NRDC: variants seen among roughly 807,000 people sequenced by gnomAD.
NRDC encodes nardilysin convertase.
In NRDC, 54 loss-of-function variants were observed where a neutral mutation model predicts 147.1. The observed-to-expected ratio is 0.37, with a 90% CI of 0.29 to 0.46. The LOEUF (loss-of-function observed/expected upper bound fraction) is 0.46, where lower values mean the gene tolerates loss of function less well. NRDC is among the 20% of genes least tolerant of loss of function. The pLI, the probability that NRDC is intolerant of heterozygous loss-of-function variation, is 1.00. For missense variants in NRDC, 1,082 were observed against 1,370.6 expected (o/e 0.79, Z 3.33); for synonymous variants, 440 against 482.1 (o/e 0.91, Z 1.14).
At chr1:51,874,471 T>G (rs1486620832) in intron 1 of NRDC, among the ~76,000 whole-genome samples, 1 of 152,004 alleles carries the variant, frequency 6.6e-6, no homozygotes, top group Non-Finnish European at 1.5e-5. Context: ...TAGCTGGGCA[T>G]GATGGCACGT....
chr1:51,869,570 T>C (rs1026119328), intron 1 of NRDC, among the ~76,000 whole-genome samples: 2 of 152,212 alleles, frequency 1.3e-5, no homozygotes, highest in African/African-American at 4.8e-5. Context: ...ATCTCTCTAT[T>C]TCAACATATA....
At chr1:51,811,275 G>A (rs1450286591) in intron 15 of NRDC, among the ~76,000 whole-genome samples, 1 of 152,094 alleles carries the variant, frequency 6.6e-6, no homozygotes, top group African/African-American at 2.4e-5. Flanking sequence ...CTTAATCTCA[G>A]CACTATGAAC....
At chr1:51,811,385 C>T (rs201027243) in intron 15 of NRDC, among the ~76,000 whole-genome samples, 4 of 152,298 alleles carry the variant, frequency 2.6e-5, no homozygotes, top group African/African-American at 7.2e-5. Context: ...GAGCACCCCA[C>T]GCCCCACCCT....
intron 1 of NRDC, among the ~76,000 whole-genome samples, chr1:51,850,000 G>A (rs1157349505): frequency 2.7e-5 from 4 of 150,676 alleles, no homozygotes; most frequent in Non-Finnish European, 5.9e-5. Context: ...CCAACATGGC[G>A]AAACCCTTCG....
chr1:51,859,896 C>G (rs1272214865), intron 1 of NRDC: 2 of 161,546 alleles, frequency 1.2e-5, no homozygotes, highest in African/African-American at 4.8e-5. Context: ...AGAGCCCCAG[C>G]TTATCTGCTT....
At chr1:51,793,433 G>A (rs1272295117) in intron 24 of NRDC, among the ~76,000 whole-genome samples, 3 of 152,220 alleles carry the variant, frequency 2.0e-5, no homozygotes, top group Non-Finnish European at 4.4e-5. Flanking sequence ...AGAGGCTCCA[G>A]AGAGAAGCAG....
chr1:51,823,861 AT>A (rs1210123632), intron 6 of NRDC, 75 bp from the exon 7 acceptor site: 1 of 1,025,040 alleles, frequency 9.8e-7, no homozygotes, highest in Non-Finnish European at 1.4e-6. Context: ...ATCAATGCAT[AT>A]TTTGCTACCA....
At chr1:51,855,780 G>A (rs1172296838) in intron 1 of NRDC, among the ~76,000 whole-genome samples, 1 of 152,134 alleles carries the variant, frequency 6.6e-6, no homozygotes, top group Admixed American at 6.5e-5. Flanking sequence ...GTCTGAGGCT[G>A]GAGGATCACT....
chr1:51,835,521 C>T (rs1462717543), intron 3 of NRDC, among the ~76,000 whole-genome samples: 16 of 134,056 alleles, frequency 1.2e-4, no homozygotes, highest in Middle Eastern at 4.3e-3. Context: ...AGCTGGAGTA[C>T]AGTGGCACAG....
intron 19 of NRDC, 142 bp from the exon 20 acceptor site, chr1:51,804,106 C>T (rs1190776226): frequency 2.9e-6 from 2 of 685,068 alleles, no homozygotes; most frequent in Admixed American, 3.3e-5. Flanking sequence ...ATACAGCTTA[C>T]TCAGGATTCA....
chr1:51,817,984 C>A, intron 10 of NRDC, 82 bp downstream of exon 10: 1 of 998,146 alleles, frequency 1.0e-6, no homozygotes, highest in South Asian at 1.5e-5. Context: ...AATTCAGAAC[C>A]CCCAAACTTA....
chr1:51,791,637 C>G lies in NRDC; in HGVS notation c.2901G>C (p.Arg967Ser), dbSNP rs375869005. The change falls in exon 27 of 31, where the codon AGG becomes AGC. Residue 967 changes from arginine to serine, a missense_variant. Physicochemically the swap from Arg to Ser is moderately radical, Grantham distance 110. Around this residue, in one of 3 missense-constraint regions of NRDC, gnomAD observed 635 missense variants for 923.8 expected, o/e 0.69. Transcript: ENST00000352171. ...AAAATCCTAGAATCCCGGATGTGTT[C>G]CTACAGGTAGGGTAGACATGGTACC... ...TLGYHVYPTC[R>S]NTSGILGFSV... is the part of the protein sequence containing the mutation. The G allele has an allele frequency of 9.9e-6, 16 of 1,613,728 alleles. No homozygotes were observed. Among genetic ancestry groups the G allele is most frequent in the African/African-American group, 1.3e-5 (1 of 74,880 alleles).
chr1:51,841,032 A>C (rs1289530534), intron 1 of NRDC, among the ~76,000 whole-genome samples: 1 of 152,228 alleles, frequency 6.6e-6, no homozygotes, highest in Non-Finnish European at 1.5e-5. Context: ...AGCTGCCTTT[A>C]TGAACTAAAA....
chr1:51,825,045 A>G (rs1182229430), intron 6 of NRDC, among the ~76,000 whole-genome samples: 1 of 152,198 alleles, frequency 6.6e-6, no homozygotes, highest in Non-Finnish European at 1.5e-5. Context: ...TAGTGTTAGC[A>G]CAGTATCTGG....
intron 26 of NRDC, 93 bp from the exon 27 acceptor site, chr1:51,791,754 C>T (rs555655454): frequency 1.9e-6 from 2 of 1,041,044 alleles, no homozygotes; most frequent in South Asian, 1.4e-5. Flanking sequence ...AGTTTCTGCC[C>T]ATCCTTATTG....
intron 19 of NRDC, 119 bp from the exon 20 acceptor site, chr1:51,804,083 A>C: frequency 1.2e-6 from 1 of 843,712 alleles, no homozygotes; most frequent in Non-Finnish European, 1.8e-6. Context: ...TCTACTCCAG[A>C]ATGTAAAAGG....
intron 4 of NRDC, among the ~76,000 whole-genome samples, chr1:51,828,357 A>G (rs1171726250): frequency 6.6e-6 from 1 of 152,176 alleles, no homozygotes; most frequent in East Asian, 1.9e-4. Context: ...TAAAATTGTA[A>G]TATCACAGAT....
intron 5 of NRDC, among the ~76,000 whole-genome samples, chr1:51,826,158 T>G (rs1680434769): frequency 6.6e-6 from 1 of 152,222 alleles, no homozygotes; most frequent in Non-Finnish European, 1.5e-5. Flanking sequence ...CCACCCGGTC[T>G]GTGGGATTCC....
chr1:51,866,385 C>T (rs1335473756), intron 1 of NRDC, among the ~76,000 whole-genome samples: 4 of 151,820 alleles, frequency 2.6e-5, no homozygotes, highest in African/African-American at 9.7e-5. Flanking sequence ...ATGAGTATGC[C>T]CAGTCATTTC....
Sources: allele counts gnomAD v4.1 joint callset (sites outside exome capture counted in the v4.1 genomes callset), GRCh38; gene constraint gnomAD v4.1.1; regional missense constraint gnomAD v4.1.1; transcripts MANE v1.5; gene names NCBI Gene and HGNC (gene_info 2026-07-23, HGNC 2026-07-21).